ZFYVE16: variants seen among roughly 807,000 people sequenced by gnomAD.
The protein encoded by ZFYVE16 is zinc finger FYVE domain-containing protein 16.
A neutral mutation model predicts 138.1 loss-of-function variants in ZFYVE16; 89 were observed. That is an observed-to-expected ratio of 0.64 (90% CI 0.54 to 0.77). ZFYVE16 has a LOEUF of 0.77. ZFYVE16 is among the 30% of genes least tolerant of loss of function. The probability of loss-of-function intolerance (pLI) is 0.00; values close to 1 mark genes in which losing one functional copy is unlikely to be tolerated. For missense variants in ZFYVE16, 1,793 were observed against 1,786.7 expected (o/e 1.00, Z -0.06); for synonymous variants, 596 against 618.3 (o/e 0.96, Z 0.53).
At chr5:80,426,224 G>GTC (rs1561245717) in intron 1 of ZFYVE16, among the ~76,000 whole-genome samples, 2 of 141,994 alleles carry the variant, frequency 1.4e-5, no homozygotes, top group African/African-American at 5.3e-5. Context: ...GTGTGTGTGT[G>GTC]TGTGTATGTG....
intron 1 of ZFYVE16, among the ~76,000 whole-genome samples, chr5:80,415,818 C>G (rs1228451886): frequency 2.0e-5 from 3 of 152,014 alleles, no homozygotes; most frequent in African/African-American, 7.3e-5. Flanking sequence ...CAGGCACGTG[C>G]CACCACACCC....
intron 1 of ZFYVE16, among the ~76,000 whole-genome samples, chr5:80,426,206 G>A (rs1240564213): frequency 7.3e-5 from 1 of 13,668 alleles, no homozygotes; most frequent in Non-Finnish European, 4.0e-4. Context: ...TGTGTGGTGT[G>A]TGTGTGTGTG....
At chr5:80,462,684 C>G (rs1037924354) in intron 15 of ZFYVE16, among the ~76,000 whole-genome samples, 4 of 152,168 alleles carry the variant, frequency 2.6e-5, no homozygotes, top group African/African-American at 9.7e-5. Context: ...CAGCATTAAC[C>G]CAAAAGTCCA....
chr5:80,437,565 AAAG>A lies in ZFYVE16; in HGVS notation c.885_887del (p.Glu296del), dbSNP rs1750111863. 1.9e-6 allele frequency: 3 copies of A among 1,614,108 alleles called. No individual in the cohort carries two copies. The East Asian group carries it at 6.7e-5, about 36-fold the overall frequency. ...AGTCATAACTGCCGCAGAATGTTTA[AAAG>A]AAGAGGGCAAGACAAGTGCTTTGAC... On this transcript the variant is annotated inframe_deletion, in exon 4 of 19. Coordinates refer to ENST00000505560, the MANE Select transcript of ZFYVE16 (RefSeq NM_001284236.3).
At chr5:80,420,068 C>G (rs1200837657) in intron 1 of ZFYVE16, among the ~76,000 whole-genome samples, 1 of 151,052 alleles carries the variant, frequency 6.6e-6, no homozygotes, top group African/African-American at 2.4e-5. Context: ...CCTTGGCCCC[C>G]CAAAGTGCTG....
Position 80,448,017 on chromosome 5 carries a change from A to G in ZFYVE16, c.2725-9A>G, listed in dbSNP as rs756717444. 1 of 1,557,068 alleles carries G rather than the reference A, an allele frequency of 6.4e-7. No individual in the cohort carries two copies. The highest frequency in any genetic ancestry group is 8.7e-7 in the Non-Finnish European group (1 of 1,153,452). ...TGATTTGTTATTTTTTTTATTACAT[A>G]TTTTACAGACAGTAAACACAGTGGA... On this transcript the variant is annotated splice_polypyrimidine_tract_variant and intron_variant, in intron 7 of 18. Transcript: ENST00000505560.
chr5:80,437,223 C>T lies in ZFYVE16; in HGVS notation c.538C>T (p.His180Tyr), dbSNP rs1006234713. Reference protein sequence around the residue: ...SDTPCVSSTDHDSDTVREQQN... With the variant: ...SDTPCVSSTDYDSDTVREQQN... Reference sequence around the variant, plus strand: ...TACTCCCTGTGTTTCTTCAACAGACCATGATAGTGATACTGTCAGAGAACA... The same window carrying T: ...TACTCCCTGTGTTTCTTCAACAGACTATGATAGTGATACTGTCAGAGAACA... Residue 180 changes from histidine to tyrosine, a missense_variant, in exon 4 of 19, where the codon CAT (histidine) becomes TAT (tyrosine). His to Tyr is a moderately conservative substitution (Grantham distance 83). Coordinates refer to ENST00000505560, the MANE Select transcript of ZFYVE16 (RefSeq NM_001284236.3). 1.2e-6 allele frequency: 2 copies of T among 1,613,758 alleles called. No individual in the cohort carries two copies. Among genetic ancestry groups the T allele is most frequent in the African/African-American group, 2.7e-5 (2 of 75,012 alleles).
At chr5:80,430,068 T>C (rs1263281830) in intron 2 of ZFYVE16, among the ~76,000 whole-genome samples, 1 of 152,158 alleles carries the variant, frequency 6.6e-6, no homozygotes, top group Non-Finnish European at 1.5e-5. Context: ...GGAATTGAAC[T>C]CAGCTCTGCA....
At chr5:80,458,005 G>A (rs1033676961) in intron 14 of ZFYVE16, among the ~76,000 whole-genome samples, 5 of 137,582 alleles carry the variant, frequency 3.6e-5, no homozygotes, top group Admixed American at 8.1e-5. Flanking sequence ...CCGCCTGAGC[G>A]ACAGAGAAAC....
At chr5:80,466,146 G>T (rs1459225653) in intron 15 of ZFYVE16, among the ~76,000 whole-genome samples, 1 of 151,690 alleles carries the variant, frequency 6.6e-6, no homozygotes, top group Non-Finnish European at 1.5e-5. Context: ...GGCTGGTCTC[G>T]AACTCCTGAA....
chr5:80,427,692 T>C (rs376225743), intron 2 of ZFYVE16, 147 bp downstream of exon 2: 16 of 143,704 alleles, frequency 1.1e-4, no homozygotes, highest in East Asian at 1.1e-3. Context: ...GTGTCTAAGG[T>C]GGCCAGGTGC....
intron 1 of ZFYVE16, among the ~76,000 whole-genome samples, chr5:80,409,168 G>A (rs1745075962): frequency 6.6e-6 from 1 of 152,050 alleles, no homozygotes; most frequent in African/African-American, 2.4e-5. Flanking sequence ...CTTGAGATGA[G>A]ATTTTATATC....
chr5:80,421,310 A>C (rs1489992454), intron 1 of ZFYVE16, among the ~76,000 whole-genome samples: 1 of 152,060 alleles, frequency 6.6e-6, no homozygotes, highest in Non-Finnish European at 1.5e-5. Flanking sequence ...ATTAGATCCC[A>C]TTTGTCAACT....
intron 2 of ZFYVE16, among the ~76,000 whole-genome samples, chr5:80,429,350 A>T (rs1343850307): frequency 6.6e-6 from 1 of 152,190 alleles, no homozygotes; most frequent in African/African-American, 2.4e-5. Flanking sequence ...CAGCCAAACT[A>T]AGCTTCATAA....
At chr5:80,408,436 G>A (rs1409528591) in intron 1 of ZFYVE16, among the ~76,000 whole-genome samples, 2 of 152,372 alleles carry the variant, frequency 1.3e-5, no homozygotes, top group East Asian at 3.9e-4. Context: ...CCGCTCCCGG[G>A]CCGCCGGAGT....
chr5:80,445,485 C>CA, intron 7 of ZFYVE16, 80 bp downstream of exon 7: 1 of 992,018 alleles, frequency 1.0e-6, no homozygotes, highest in Non-Finnish European at 1.4e-6. Context: ...TATTAGAGTG[C>CA]TTTTTTTTTT....
At chr5:80,418,417 A>G (rs889673337) in intron 1 of ZFYVE16, among the ~76,000 whole-genome samples, 14 of 150,574 alleles carry the variant, frequency 9.3e-5, no homozygotes, top group African/African-American at 2.7e-4. Context: ...GGCTCAAGCT[A>G]TCCTCCCATC....
intron 15 of ZFYVE16, among the ~76,000 whole-genome samples, chr5:80,461,202 A>C (rs1205827506): frequency 6.6e-6 from 1 of 152,160 alleles, no homozygotes; most frequent in African/African-American, 2.4e-5. Flanking sequence ...TAAGTATATA[A>C]TGCAAATATT....
Position 80,448,046 on chromosome 5 carries a change from T to C in ZFYVE16, c.2745T>C (p.His915=), listed in dbSNP as rs901379526. Residue 915 remains histidine (H), a synonymous_variant, in exon 8 of 19, where the codon CAT becomes CAC. Transcript: ENST00000505560. ...DVPMTVNTVD[H]SHSTTVEKPN... is the part of the protein sequence containing the mutation. ...TACAGACAGTAAACACAGTGGATCA[T>C]TCCCATTCTACTACAGTGGAAAAGC... 4.4e-6 allele frequency: 7 copies of C among 1,608,114 alleles called. No individual in the cohort carries two copies. In the African/African-American group the frequency reaches 8.0e-5, roughly 18 times the overall value.
Sources: gnomAD v4.1 joint callset for allele counts (sites outside exome capture counted in the v4.1 genomes callset) on GRCh38, gnomAD v4.1.1 for gene constraint, MANE v1.5 for transcripts, NCBI Gene and HGNC (gene_info 2026-07-23, HGNC 2026-07-21) for gene names.